Variants in MAP3K7CL observed in about 807,000 individuals in gnomAD.
MAP3K7CL encodes the protein MAP3K7 C-terminal like, also known as MAP3K7 C-terminal-like protein.
Under a neutral mutation model 18.6 loss-of-function variants are expected in MAP3K7CL, and 16 were observed. The ratio of observed to expected loss-of-function variants is 0.86; its 90% confidence interval spans 0.58 to 1.31. MAP3K7CL has a LOEUF of 1.31. Among genes scored for constraint, MAP3K7CL ranks in the 50% most tolerant of loss-of-function variants. The pLI is 0.00. For synonymous variants in MAP3K7CL, 65 were observed against 66.8 expected (o/e 0.97, Z 0.13); for missense variants, 163 against 174.4 (o/e 0.93, Z 0.37).
intron 4 of MAP3K7CL, among the ~76,000 whole-genome samples, chr21:29,096,106 G>A (rs1442679231): frequency 1.3e-5 from 2 of 152,192 alleles, no homozygotes; most frequent in African/African-American, 4.8e-5. Context: ...CTGGTAATTG[G>A]CCTTCTGAGC....
intron 4 of MAP3K7CL, among the ~76,000 whole-genome samples, chr21:29,164,318 A>T (rs2087630369): frequency 6.6e-6 from 1 of 152,234 alleles, no homozygotes; most frequent in Non-Finnish European, 1.5e-5. Flanking sequence ...TGACCCAAGT[A>T]GTTAGCTCTC....
chr21:29,174,343 C>T (rs1199600116), intron 4 of MAP3K7CL, among the ~76,000 whole-genome samples: 2 of 152,160 alleles, frequency 1.3e-5, no homozygotes, highest in Non-Finnish European at 2.9e-5. Context: ...CAAGAGAAAA[C>T]TATAGTTGTC....
At chr21:29,078,092 T>A (rs1032708673) in intron 1 of MAP3K7CL, among the ~76,000 whole-genome samples, 4 of 152,232 alleles carry the variant, frequency 2.6e-5, no homozygotes, top group Admixed American at 6.5e-5. Flanking sequence ...TGTTTTGATT[T>A]TTTTTGTATT....
At chr21:29,115,373 A>C (rs1188318465) in intron 4 of MAP3K7CL, among the ~76,000 whole-genome samples, 1 of 152,164 alleles carries the variant, frequency 6.6e-6, no homozygotes, top group Non-Finnish European at 1.5e-5. Context: ...TTCTGCATCT[A>C]TAAAAAGCAT....
intron 4 of MAP3K7CL, among the ~76,000 whole-genome samples, chr21:29,172,241 C>CTTTTT (rs35612617): frequency 1.5e-4 from 19 of 126,246 alleles, no homozygotes; most frequent in East Asian, 2.3e-4. Context: ...TTGTCATTTT[C>CTTTTT]TTTTTTTTTT....
At chr21:29,113,165 C>T (rs2086448946) in intron 4 of MAP3K7CL, among the ~76,000 whole-genome samples, 1 of 152,194 alleles carries the variant, frequency 6.6e-6, no homozygotes, top group African/African-American at 2.4e-5. Context: ...TTTAAACTGG[C>T]AGGTGGTTTG....
intron 4 of MAP3K7CL, among the ~76,000 whole-genome samples, chr21:29,165,788 T>C (rs1400491752): frequency 1.3e-5 from 2 of 152,218 alleles, no homozygotes; most frequent in Non-Finnish European, 2.9e-5. Flanking sequence ...GCCAGGCTGG[T>C]CTCAAACTCC....
intron 4 of MAP3K7CL, among the ~76,000 whole-genome samples, chr21:29,099,334 G>A (rs965288082): frequency 6.8e-6 from 1 of 148,042 alleles, no homozygotes; most frequent in Admixed American, 6.8e-5. Context: ...TGAACTTCCG[G>A]GTTCAAGCCA....
At chr21:29,164,196 T>G (rs1237073447) in intron 4 of MAP3K7CL, among the ~76,000 whole-genome samples, 1 of 152,216 alleles carries the variant, frequency 6.6e-6, no homozygotes, top group East Asian at 1.9e-4. Flanking sequence ...CCAAGGATTG[T>G]TAATGATCGT....
intron 4 of MAP3K7CL, among the ~76,000 whole-genome samples, chr21:29,165,604 C>G (rs1486460604): frequency 1.3e-5 from 2 of 152,182 alleles, no homozygotes; most frequent in Non-Finnish European, 2.9e-5. Flanking sequence ...GACAGTCTTG[C>G]TCAGTCTCCC....
intron 4 of MAP3K7CL, among the ~76,000 whole-genome samples, chr21:29,163,093 G>A (rs1023387175): frequency 6.6e-6 from 1 of 152,016 alleles, no homozygotes; most frequent in Non-Finnish European, 1.5e-5. Context: ...CCTGGGTGAC[G>A]GAGTGAGACT....
upstream of MAP3K7CL, chr21:29,085,783 T>A (rs767837114): frequency 1.4e-6 from 2 of 1,449,584 alleles, no homozygotes; most frequent in Non-Finnish European, 1.9e-6. Context: ...ATGGCTTTGA[T>A]GCAGAATCAT....
upstream of MAP3K7CL, among the ~76,000 whole-genome samples, chr21:29,077,230 G>A (rs894870908): frequency 3.9e-5 from 6 of 152,252 alleles, no homozygotes; most frequent in Admixed American, 2.0e-4. Flanking sequence ...ATGGGACTGG[G>A]CGCTGTGGAG....
At chr21:29,131,904 G>A (rs1214247637) in intron 1 of MAP3K7CL, among the ~76,000 whole-genome samples, 3 of 152,140 alleles carry the variant, frequency 2.0e-5, no homozygotes, top group Non-Finnish European at 2.9e-5. Context: ...ATAGATAGAG[G>A]AAAGTTATGG....
intron 1 of MAP3K7CL, among the ~76,000 whole-genome samples, chr21:29,079,469 A>G (rs2085801097): frequency 6.6e-6 from 1 of 151,338 alleles, no homozygotes. Context: ...CTGTCTCACC[A>G]CTCCCCCCAG....
At chr21:29,109,867 T>G (rs1844073306) in intron 4 of MAP3K7CL, 2 of 844,264 alleles carry the variant, frequency 2.4e-6, no homozygotes, top group Non-Finnish European at 2.9e-6. Flanking sequence ...GGTCAAAGGG[T>G]ATGTTGAATT....
At chr21:29,152,525 T>C (rs2087300876) in intron 3 of MAP3K7CL, among the ~76,000 whole-genome samples, 5 of 152,286 alleles carry the variant, frequency 3.3e-5, no homozygotes, top group Admixed American at 2.6e-4. Context: ...GCCTTGTGGT[T>C]GCAACTATTT....
intron 1 of MAP3K7CL, chr21:29,085,976 A>G: frequency 6.3e-7 from 1 of 1,578,952 alleles, no homozygotes; most frequent in Non-Finnish European, 8.7e-7. Context: ...TCCTGTTTTC[A>G]GTGAAAACAG....
At chr21:29,087,589 C>CTTT (rs56775764) in intron 1 of MAP3K7CL, among the ~76,000 whole-genome samples, 47 of 104,284 alleles carry the variant, frequency 4.5e-4, no homozygotes, top group Non-Finnish European at 5.0e-4. Context: ...TTTTCTTTTT[C>CTTT]TTTTTTTTTT....
Sources: allele counts gnomAD v4.1 joint callset (sites outside exome capture counted in the v4.1 genomes callset), GRCh38; gene constraint gnomAD v4.1.1; transcripts MANE v1.5; gene names NCBI Gene and HGNC (gene_info 2026-07-23, HGNC 2026-07-21).